The following RETREG1 variants were observed in gnomAD, a reference collection of about 807,000 sequenced individuals.
RETREG1 encodes reticulophagy regulator 1.
Under a neutral mutation model 54.8 loss-of-function variants are expected in RETREG1, and 44 were observed. The ratio of observed to expected loss-of-function variants is 0.80; its 90% confidence interval spans 0.63 to 1.03. RETREG1 has a LOEUF of 1.03. Ranked by LOEUF, RETREG1 falls within the 50% of genes least tolerant of loss-of-function variation. The pLI, the probability that RETREG1 is intolerant of heterozygous loss-of-function variation, is 0.00. For synonymous variants in RETREG1, 217 were observed against 238.5 expected (o/e 0.91, Z 0.83); for missense variants, 554 against 605.1 (o/e 0.92, Z 0.89).
chr5:16,511,027 T>C (rs1404810678), intron 3 of RETREG1, among the ~76,000 whole-genome samples: 1 of 152,134 alleles, frequency 6.6e-6, no homozygotes, highest in Admixed American at 6.5e-5. Context: ...GACCTGCCTC[T>C]TAATTGTAAA....
chr5:16,502,813 G>C (rs371699940), intron 3 of RETREG1, among the ~76,000 whole-genome samples: 23 of 152,358 alleles, frequency 1.5e-4, no homozygotes, highest in African/African-American at 5.5e-4. Flanking sequence ...CCTCAGGCAA[G>C]ACTTCATGCC....
chr5:16,549,485 A>C (rs1741473837), intron 3 of RETREG1, among the ~76,000 whole-genome samples: 1 of 152,316 alleles, frequency 6.6e-6, no homozygotes, highest in East Asian at 1.9e-4. Context: ...TGTTTAATAA[A>C]AACTTGGGAT....
At chr5:16,498,896 T>A (rs1739581781) in intron 3 of RETREG1, among the ~76,000 whole-genome samples, 1 of 152,240 alleles carries the variant, frequency 6.6e-6, no homozygotes, top group South Asian at 2.1e-4. Flanking sequence ...CTTTAAATTT[T>A]TCTTTAATAA....
intron 1 of RETREG1, among the ~76,000 whole-genome samples, chr5:16,607,228 A>T (rs12520596): frequency 6.6e-6 from 1 of 151,800 alleles, no homozygotes; most frequent in African/African-American, 2.4e-5. Context: ...TTTTTTTACC[A>T]CTTTCACCAC....
At chr5:16,616,462 G>T (rs1397694667) in intron 1 of RETREG1, 190 bp downstream of exon 1, 4 of 1,049,902 alleles carry the variant, frequency 3.8e-6, no homozygotes, top group Non-Finnish European at 5.2e-6. Context: ...TGCTCACAGG[G>T]ACGTGCGTCC....
chr5:16,544,389 T>G, intron 3 of RETREG1, among the ~76,000 whole-genome samples: 1 of 152,250 alleles, frequency 6.6e-6, no homozygotes. Flanking sequence ...TTCCCTTAGC[T>G]ATGTCAGTTA....
intron 8 of RETREG1, 31 bp downstream of exon 8, chr5:16,477,631 A>G: frequency 6.2e-7 from 1 of 1,606,440 alleles, no homozygotes; most frequent in Non-Finnish European, 8.5e-7. Context: ...TGCACTCATA[A>G]AAATAAATGT....
intron 1 of RETREG1, among the ~76,000 whole-genome samples, chr5:16,612,401 CA>C (rs1743369734): frequency 6.6e-6 from 1 of 152,186 alleles, no homozygotes; most frequent in African/African-American, 2.4e-5. Flanking sequence ...CTTACAAGTA[CA>C]ACATGGGTTG....
At chr5:16,483,881 A>G (rs1738913014) in intron 3 of RETREG1, among the ~76,000 whole-genome samples, 1 of 152,094 alleles carries the variant, frequency 6.6e-6, no homozygotes, top group African/African-American at 2.4e-5. Flanking sequence ...TGACTCCAGC[A>G]AAGTCAACCA....
rs989484098 is a variant in RETREG1 at position 16,616,683 on chromosome 5, G to C, written c.289C>G (p.Leu97Val). 6 of 1,595,822 alleles carry C rather than the reference G, an allele frequency of 3.8e-6. No homozygotes were observed. The African/African-American group carries it at 6.7e-5, about 18-fold the overall frequency. Residue 97 changes from leucine to valine, a missense_variant, in exon 1 of 9, where the codon CTC becomes GTC. By Grantham distance (32) the Leu-to-Val change is conservative (BLOSUM62 1). Around this residue, in one of 4 missense-constraint regions of RETREG1, gnomAD observed 175 missense variants for 142.1 expected, o/e 1.23. Transcript: ENST00000306320. ...AGCAGGTTGGCAGCGACGAAGCCGA[G>C]CAGGCTCCGCAGCGGCCTCTTCCAG... ...LSWKRPLRSL[L>V]GFVAANLLFW... is the part of the protein sequence containing the mutation.
At chr5:16,475,341 G>T in intron 8 of RETREG1, 107 bp from the exon 9 acceptor site, 1 of 1,284,158 alleles carries the variant, frequency 7.8e-7, no homozygotes, top group Non-Finnish European at 1.1e-6. Context: ...GGCAACCTTG[G>T]CATTCATCTA....
intron 1 of RETREG1, among the ~76,000 whole-genome samples, chr5:16,592,717 T>C (rs1433316097): frequency 6.7e-6 from 1 of 149,218 alleles, no homozygotes; most frequent in Non-Finnish European, 1.5e-5. Flanking sequence ...TATGCAGCCA[T>C]AAAAAAAAAA....
chr5:16,495,869 T>C (rs1739434103), intron 3 of RETREG1, among the ~76,000 whole-genome samples: 1 of 152,134 alleles, frequency 6.6e-6, no homozygotes, highest in East Asian at 1.9e-4. Flanking sequence ...GACTGGGGAC[T>C]AACAAACCTA....
chr5:16,552,516 T>C (rs1000856749), intron 3 of RETREG1, among the ~76,000 whole-genome samples: 4 of 152,208 alleles, frequency 2.6e-5, no homozygotes, highest in African/African-American at 9.7e-5. Context: ...ACCATTTAGT[T>C]CTTAGAGACC....
At chr5:16,600,228 T>G (rs998977734) in intron 1 of RETREG1, among the ~76,000 whole-genome samples, 11 of 152,198 alleles carry the variant, frequency 7.2e-5, no homozygotes, top group Non-Finnish European at 1.3e-4. Context: ...CCTGAACTCC[T>G]GACCTCAGGT....
intron 2 of RETREG1, among the ~76,000 whole-genome samples, chr5:16,568,709 G>C (rs1432830396): frequency 6.6e-6 from 1 of 152,134 alleles, no homozygotes; most frequent in African/African-American, 2.4e-5. Context: ...GGGAAAGGGG[G>C]ACTTGGCTGT....
At chr5:16,529,891 C>G (rs1453922605) in intron 3 of RETREG1, among the ~76,000 whole-genome samples, 1 of 152,156 alleles carries the variant, frequency 6.6e-6, no homozygotes, top group African/African-American at 2.4e-5. Context: ...GTTTTCTTCT[C>G]TGTTTCAATG....
intron 1 of RETREG1, among the ~76,000 whole-genome samples, chr5:16,610,504 C>A (rs1171860475): frequency 6.6e-6 from 1 of 152,142 alleles, no homozygotes; most frequent in Non-Finnish European, 1.5e-5. Context: ...TTGCAATCTA[C>A]TCATCTGACA....
intron 2 of RETREG1, among the ~76,000 whole-genome samples, chr5:16,567,612 C>A (rs1328918732): frequency 6.6e-6 from 1 of 152,106 alleles, no homozygotes; most frequent in Non-Finnish European, 1.5e-5. Context: ...CTCAGAGCCA[C>A]CCACTGAGCC....
Sources: gnomAD v4.1 joint callset for allele counts (sites outside exome capture counted in the v4.1 genomes callset) on GRCh38, gnomAD v4.1.1 for gene constraint, gnomAD v4.1.1 regional missense constraint, MANE v1.5 for transcripts, NCBI Gene and HGNC (gene_info 2026-07-23, HGNC 2026-07-21) for gene names.